SCAI: variants seen among roughly 807,000 people sequenced by gnomAD.
The protein encoded by SCAI is suppressor of cancer cell invasion.
SCAI carries 24 observed loss-of-function variants against 92.2 expected under a neutral mutation model. That is an observed-to-expected ratio of 0.26 (90% CI 0.19 to 0.37). The LOEUF (loss-of-function observed/expected upper bound fraction) is 0.37, where lower values mean the gene tolerates loss of function less well. SCAI is among the 10% of genes least tolerant of loss of function. The pLI, the probability that SCAI is intolerant of heterozygous loss-of-function variation, is 1.00. For synonymous variants in SCAI, 261 were observed against 258.6 expected, an observed-to-expected ratio of 1.01 and a Z score of -0.09; for missense variants, 450 against 736.2, an observed-to-expected ratio of 0.61 and a Z score of 4.50.
chr9:125,056,468 A>C (rs1833669892), intron 2 of SCAI, among the ~76,000 whole-genome samples: 1 of 152,176 alleles, frequency 6.6e-6, no homozygotes, highest in African/African-American at 2.4e-5. Flanking sequence ...CCATCTCAAA[A>C]AACAAAGAAA....
At chr9:125,126,567 G>GGTGTGTGTGGGT (rs1835283445) in intron 2 of SCAI, among the ~76,000 whole-genome samples, 4 of 128,500 alleles carry the variant, frequency 3.1e-5, no homozygotes, top group African/African-American at 1.2e-4. Flanking sequence ...GGTGGGTGTG[G>GGTGTGTGTGGGT]GTGTGTGTGT....
intron 17 of SCAI, among the ~76,000 whole-genome samples, chr9:124,955,630 T>G (rs954784838): frequency 2.0e-5 from 3 of 150,680 alleles, no homozygotes; most frequent in Admixed American, 1.3e-4. Flanking sequence ...CAAAAAAAAT[T>G]TTTTTAAATA....
intron 3 of SCAI, among the ~76,000 whole-genome samples, chr9:125,053,146 C>A (rs12236595): frequency 1.3e-5 from 2 of 152,074 alleles, no homozygotes; most frequent in East Asian, 3.9e-4. Flanking sequence ...ACCAGCCTGG[C>A]CAACATAGTG....
At chr9:125,063,384 GAA>G (rs57488794) in intron 2 of SCAI, among the ~76,000 whole-genome samples, 3,262 of 99,566 alleles carry the variant, frequency 0.033, 129 homozygotes, top group African/African-American at 0.11. Flanking sequence ...CTCAAAGGAG[GAA>G]AAAAAAAAAA....
chr9:125,099,502 G>A lies in SCAI; in HGVS notation c.98+43131C>T, dbSNP rs192005250. 3.4e-4 allele frequency among the ~76,000 whole-genome samples: 52 copies of A among 152,062 alleles called. No homozygotes were observed. In the East Asian group the frequency reaches 8.5e-3, roughly 25 times the overall value. On this transcript the variant is annotated intron_variant, in intron 2 of 17. Coordinates refer to ENST00000336505, the MANE Select transcript of SCAI (RefSeq NM_001144877.3). ...TTGCCATGTTGGCCACGCTAGTCTC[G>A]ACCTCCTGGCCTCAAGTGATGCACC...
At chr9:125,125,795 C>T (rs1475103683) in intron 2 of SCAI, among the ~76,000 whole-genome samples, 1 of 146,602 alleles carries the variant, frequency 6.8e-6, no homozygotes, top group Non-Finnish European at 1.5e-5. Context: ...CACGCCACTA[C>T]ACTCCAGCCT....
intron 2 of SCAI, among the ~76,000 whole-genome samples, chr9:125,101,207 A>C (rs145703012): frequency 6.6e-6 from 1 of 152,274 alleles, no homozygotes; most frequent in East Asian, 1.9e-4. Context: ...TTGTATACTG[A>C]AGCAAATGAG....
At chr9:125,013,381 A>G (rs1307292851) in intron 9 of SCAI, among the ~76,000 whole-genome samples, 3 of 151,452 alleles carry the variant, frequency 2.0e-5, no homozygotes, top group Non-Finnish European at 2.9e-5. Context: ...ACAAACTACC[A>G]TCAGAGAATA....
intron 3 of SCAI, among the ~76,000 whole-genome samples, chr9:125,053,355 C>T (rs1011623604): frequency 1.3e-5 from 2 of 152,046 alleles, no homozygotes; most frequent in Non-Finnish European, 2.9e-5. Flanking sequence ...AAAACCTACG[C>T]TCACATAAAA....
intron 2 of SCAI, among the ~76,000 whole-genome samples, chr9:125,077,966 C>G (rs1028940621): frequency 4.6e-5 from 7 of 151,760 alleles, no homozygotes; most frequent in African/African-American, 1.2e-4. Flanking sequence ...TGATCCACAC[C>G]CCCCCCGCCT....
chr9:125,115,384 A>AC (rs1369475729), intron 2 of SCAI, among the ~76,000 whole-genome samples: 28 of 151,164 alleles, frequency 1.9e-4, no homozygotes, highest in African/African-American at 6.6e-4. Context: ...AAAAAAAAAA[A>AC]AAAAAAAAAA....
chr9:124,989,158 G>A (rs1018164646), intron 14 of SCAI, among the ~76,000 whole-genome samples: 16 of 151,734 alleles, frequency 1.1e-4, no homozygotes, highest in African/African-American at 3.9e-4. Context: ...AAAAAGTAAA[G>A]TCAAACCAGG....
At chr9:124,998,409 T>C (rs963452197) in intron 13 of SCAI, among the ~76,000 whole-genome samples, 1 of 151,656 alleles carries the variant, frequency 6.6e-6, no homozygotes, top group African/African-American at 2.4e-5. Context: ...GCCAAGATCG[T>C]GCCACTGCAC....
chr9:125,112,384 T>C (rs1834949609), intron 2 of SCAI, among the ~76,000 whole-genome samples: 1 of 151,626 alleles, frequency 6.6e-6, no homozygotes, highest in South Asian at 2.1e-4. Context: ...ATAAGAAAAA[T>C]CAACCAATCA....
intron 3 of SCAI, among the ~76,000 whole-genome samples, chr9:125,046,196 G>GATATATATATATATATATATATAT (rs71374222): frequency 3.1e-4 from 16 of 51,878 alleles, no homozygotes; most frequent in African/African-American, 3.7e-4. Flanking sequence ...GAAATTGTGA[G>GATATATATATATATATATATATAT]ATATATATAT....
intron 4 of SCAI, among the ~76,000 whole-genome samples, chr9:125,028,861 G>T (rs1244956177): frequency 6.6e-6 from 1 of 151,996 alleles, no homozygotes; most frequent in Non-Finnish European, 1.5e-5. Context: ...ACAGTGGCAT[G>T]ATCTGGGCTC....
At chr9:125,070,395 ATCT>A (rs1833958170) in intron 2 of SCAI, among the ~76,000 whole-genome samples, 1 of 141,964 alleles carries the variant, frequency 7.0e-6, no homozygotes, top group Non-Finnish European at 1.5e-5. Flanking sequence ...TCTAAAAACA[ATCT>A]TTTTTTTTTT....
intron 2 of SCAI, among the ~76,000 whole-genome samples, chr9:125,063,476 G>T (rs2131149531): frequency 6.6e-6 from 1 of 151,738 alleles, no homozygotes; most frequent in East Asian, 1.9e-4. Context: ...TATGTCAGTA[G>T]CTACAATATA....
At chr9:125,074,769 C>G (rs1224210620) in intron 2 of SCAI, among the ~76,000 whole-genome samples, 2 of 151,632 alleles carry the variant, frequency 1.3e-5, no homozygotes, top group African/African-American at 4.8e-5. Flanking sequence ...CTTTGGGAGG[C>G]CGAGGTGGGC....
Sources: gnomAD v4.1 joint callset for allele counts (sites outside exome capture counted in the v4.1 genomes callset) on GRCh38, gnomAD v4.1.1 for gene constraint, MANE v1.5 for transcripts, NCBI Gene and HGNC (gene_info 2026-07-23, HGNC 2026-07-21) for gene names.